AGTPBP1: variants seen among roughly 807,000 people sequenced by gnomAD.
AGTPBP1 encodes the protein cytosolic carboxypeptidase 1.
Under a neutral mutation model 143.9 loss-of-function variants are expected in AGTPBP1, and 70 were observed. That is an observed-to-expected ratio of 0.49 (90% CI 0.40 to 0.59). The LOEUF is 0.59. AGTPBP1 is among the 20% of genes least tolerant of loss of function. The pLI, the probability that AGTPBP1 is intolerant of heterozygous loss-of-function variation, is 0.00. For missense variants in AGTPBP1, 1,229 were observed against 1,464.5 expected, an observed-to-expected ratio of 0.84 and a Z score of 2.62; for synonymous variants, 463 against 500.2, an observed-to-expected ratio of 0.93 and a Z score of 0.99.
intron 17 of AGTPBP1, among the ~76,000 whole-genome samples, chr9:85,608,713 T>A (rs1564059957): frequency 6.6e-6 from 1 of 151,572 alleles, no homozygotes; most frequent in Non-Finnish European, 1.5e-5. Flanking sequence ...CACAATACAT[T>A]CACAAAAACT....
chr9:85,634,372 G>A (rs1026156936), intron 13 of AGTPBP1, among the ~76,000 whole-genome samples: 3 of 152,094 alleles, frequency 2.0e-5, no homozygotes, highest in African/African-American at 7.2e-5. Flanking sequence ...ATTCTAGGCA[G>A]AGAGGACTAG....
At chr9:85,671,347 T>A (rs1377399449) in intron 7 of AGTPBP1, among the ~76,000 whole-genome samples, 1 of 152,176 alleles carries the variant, frequency 6.6e-6, no homozygotes, top group Admixed American at 6.5e-5. Context: ...ATTTCTTGAC[T>A]TTACTGGTGT....
At chr9:85,793,257 T>G in the AGTPBP1 span, among the ~76,000 whole-genome samples, 5 of 152,188 alleles carry the variant, frequency 3.3e-5, no homozygotes, top group Non-Finnish European at 7.4e-5. Flanking sequence ...TTCTTAAAAC[T>G]GATAAGAATT....
At chr9:85,694,314 C>A (rs1042137095) in intron 2 of AGTPBP1, among the ~76,000 whole-genome samples, 10 of 152,132 alleles carry the variant, frequency 6.6e-5, no homozygotes, top group African/African-American at 2.4e-4. Flanking sequence ...CTATCTTTCC[C>A]CTTCAATTAA....
chr9:85,791,471 G>C, the AGTPBP1 span: 1 of 152,026 alleles, frequency 6.6e-6, no homozygotes, highest in African/African-American at 2.4e-5. Flanking sequence ...CAAATCATAG[G>C]CATGTACTTA....
chr9:85,599,862 T>A (rs575936076), intron 17 of AGTPBP1, among the ~76,000 whole-genome samples: 3 of 152,310 alleles, frequency 2.0e-5, no homozygotes, highest in African/African-American at 7.2e-5. Context: ...TTTAATTTTT[T>A]AAATATGCAT....
chr9:85,648,401 T>A (rs1172660123), intron 11 of AGTPBP1, among the ~76,000 whole-genome samples: 2 of 152,218 alleles, frequency 1.3e-5, no homozygotes, highest in Non-Finnish European at 2.9e-5. Context: ...TATTCATATT[T>A]CACATGGTAA....
At chr9:85,711,067 G>T (rs978895253) in intron 2 of AGTPBP1, among the ~76,000 whole-genome samples, 1 of 152,094 alleles carries the variant, frequency 6.6e-6, no homozygotes, top group African/African-American at 2.4e-5. Context: ...TTATATAACA[G>T]ATTTAACGCA....
At chr9:85,586,562 G>A (rs1165881998) in intron 22 of AGTPBP1, among the ~76,000 whole-genome samples, 1 of 152,134 alleles carries the variant, frequency 6.6e-6, no homozygotes, top group Non-Finnish European at 1.5e-5. Flanking sequence ...CTTCTAGTTT[G>A]AGAATTTGGA....
chr9:85,721,073 G>A (rs969533760), intron 1 of AGTPBP1, among the ~76,000 whole-genome samples: 11 of 152,170 alleles, frequency 7.2e-5, no homozygotes, highest in Non-Finnish European at 1.3e-4. Context: ...GCTGAGGAGT[G>A]TTTTACTTCC....
chr9:85,655,018 G>A lies in AGTPBP1; in HGVS notation c.1087+125C>T, dbSNP rs576523703. ...AAGAAATGCTTAACTAAAATAAAAT[G>A]TGAATGTTTATCACGTTAAGTAAGG... On this transcript the variant is annotated intron_variant, in intron 11 of 25. Transcript: ENST00000357081. 9.7e-6 allele frequency: 8 copies of A among 827,976 alleles called. No homozygotes were observed. The South Asian group carries it at 2.1e-4, about 22-fold the overall frequency. 51.3% of individuals were successfully genotyped at this position (827,976 alleles called of 1,614,324 possible).
At chr9:85,686,229 A>G (rs904917010) in intron 3 of AGTPBP1, among the ~76,000 whole-genome samples, 1 of 152,098 alleles carries the variant, frequency 6.6e-6, no homozygotes, top group African/African-American at 2.4e-5. Context: ...TTTGGATTCA[A>G]TGACACAAAA....
At chr9:85,641,422 A>G (rs62566954) in intron 13 of AGTPBP1, among the ~76,000 whole-genome samples, 2,550 of 152,302 alleles carry the variant, frequency 0.017, 25 homozygotes, top group Middle Eastern at 0.054. Context: ...GAATCAACCT[A>G]TACCCTTTCT....
chr9:85,563,751 G>C (rs547702893), intron 25 of AGTPBP1, among the ~76,000 whole-genome samples: 69 of 152,136 alleles, frequency 4.5e-4, no homozygotes, highest in Non-Finnish European at 9.3e-4. Context: ...AGAAAAGAAC[G>C]ACCACCCTCC....
At chr9:85,707,277 C>T (rs1219549931) in intron 2 of AGTPBP1, among the ~76,000 whole-genome samples, 1 of 151,950 alleles carries the variant, frequency 6.6e-6, no homozygotes, top group Non-Finnish European at 1.5e-5. Flanking sequence ...TAAATGTCCA[C>T]AGTAGAACGG....
intron 1 of AGTPBP1, among the ~76,000 whole-genome samples, chr9:85,713,322 G>A (rs1236383025): frequency 6.6e-6 from 1 of 152,204 alleles, no homozygotes; most frequent in Non-Finnish European, 1.5e-5. Context: ...CCTGAGGACA[G>A]GAGTTTGACA....
intron 25 of AGTPBP1, among the ~76,000 whole-genome samples, chr9:85,557,137 T>C (rs1353426492): frequency 2.0e-5 from 3 of 152,200 alleles, no homozygotes; most frequent in Non-Finnish European, 4.4e-5. Context: ...AAAATATAAA[T>C]AGCCATAAAC....
chr9:85,612,393 T>C (rs1042723679), intron 17 of AGTPBP1, among the ~76,000 whole-genome samples: 1 of 152,188 alleles, frequency 6.6e-6, no homozygotes, highest in African/African-American at 2.4e-5. Context: ...TTCCAAGTGA[T>C]GAATGCATCC....
the AGTPBP1 span, among the ~76,000 whole-genome samples, chr9:85,758,098 A>G: frequency 7.9e-5 from 12 of 151,872 alleles, no homozygotes; most frequent in South Asian, 2.1e-4. Context: ...AGTGGCCCAC[A>G]TATATGCTGT....
Sources: allele counts gnomAD v4.1 joint callset (sites outside exome capture counted in the v4.1 genomes callset), GRCh38; gene constraint gnomAD v4.1.1; transcripts MANE v1.5; gene names NCBI Gene and HGNC (gene_info 2026-07-23, HGNC 2026-07-21).